Variants in HEATR4 observed in about 807,000 individuals in gnomAD.
HEATR4 encodes the protein HEAT repeat-containing protein 4.
HEATR4 carries 95 observed loss-of-function variants against 108.8 expected under a neutral mutation model. The ratio of observed to expected loss-of-function variants is 0.87; its 90% CI spans 0.74 to 1.04. HEATR4 has a LOEUF of 1.04. Ranked by LOEUF, HEATR4 falls within the 50% of genes least tolerant of loss-of-function variation. HEATR4 has a pLI of 0.00. For synonymous variants in HEATR4, 443 were observed against 459.4 expected (o/e 0.96, Z 0.46); for missense variants, 1,152 against 1,253.8 (o/e 0.92, Z 1.23).
intron 10 of HEATR4, among the ~76,000 whole-genome samples, chr14:73,503,953 G>T (rs1339647878): frequency 6.6e-6 from 1 of 152,146 alleles, no homozygotes; most frequent in African/African-American, 2.4e-5. Flanking sequence ...TTTACTTTCA[G>T]TTGTCAATTC....
the HEATR4 span, among the ~76,000 whole-genome samples, chr14:73,609,816 T>C: frequency 3.3e-5 from 5 of 151,886 alleles, no homozygotes; most frequent in East Asian, 9.7e-4. Context: ...AATTTTTGTA[T>C]TTTTAGTAGA....
intron 17 of HEATR4, 39 bp downstream of exon 17, chr14:73,493,027 C>T (rs371725887): frequency 3.2e-6 from 5 of 1,564,546 alleles, no homozygotes; most frequent in South Asian, 1.2e-5. Flanking sequence ...CTTAAACTCA[C>T]GTTCTTACCT....
intron 17 of HEATR4, among the ~76,000 whole-genome samples, chr14:73,486,862 C>T (rs184957215): frequency 6.6e-6 from 1 of 152,186 alleles, no homozygotes; most frequent in African/African-American, 2.4e-5. Flanking sequence ...GGGGTACTTT[C>T]CTGATAGGCT....
At chr14:73,621,486 C>T in the HEATR4 span, among the ~76,000 whole-genome samples, 1 of 152,182 alleles carries the variant, frequency 6.6e-6, no homozygotes, top group African/African-American at 2.4e-5. Context: ...TCTGCCTCAA[C>T]CTACTGCAGT....
chr14:73,553,450 C>G (rs1234044897), intron 1 of HEATR4, among the ~76,000 whole-genome samples: 3 of 111,950 alleles, frequency 2.7e-5, no homozygotes, highest in Non-Finnish European at 3.9e-5. Context: ...AGGTAGAGGT[C>G]CAGTGAGCCG....
the HEATR4 span, among the ~76,000 whole-genome samples, chr14:73,625,181 C>G: frequency 6.6e-6 from 1 of 151,874 alleles, no homozygotes; most frequent in Non-Finnish European, 1.5e-5. Flanking sequence ...GCCTCAGCCT[C>G]CTGAATGGCT....
At chr14:73,594,673 G>GTTAGTTAT in the HEATR4 span, among the ~76,000 whole-genome samples, 5 of 147,132 alleles carry the variant, frequency 3.4e-5, no homozygotes, top group African/African-American at 2.5e-5. Flanking sequence ...CATTGGATAA[G>GTTAGTTAT]TTATTTATTT....
chr14:73,513,024 T>C lies in HEATR4; in HGVS notation c.1415-875A>G, dbSNP rs568695000. 1.2e-4 allele frequency among the ~76,000 whole-genome samples: 19 copies of C among 152,294 alleles called. No homozygotes were observed. In the South Asian group the frequency reaches 3.3e-3, roughly 27 times the overall value. On this transcript the variant is annotated intron_variant, in intron 6 of 17. Coordinates refer to ENST00000553558, the MANE Select transcript of HEATR4 (RefSeq NM_001220484.1). ...CCTATCTTTGAAGGCAAAGTAGGTATAGGATAGCCCCAACTCTACGAATGA... is the reference window on the plus strand; with the variant it reads ...CCTATCTTTGAAGGCAAAGTAGGTACAGGATAGCCCCAACTCTACGAATGA...
At chr14:73,576,276 C>CCA in the HEATR4 span, among the ~76,000 whole-genome samples, 2 of 151,948 alleles carry the variant, frequency 1.3e-5, no homozygotes, top group African/African-American at 4.8e-5. Flanking sequence ...AAGTTAACAT[C>CCA]TTGCCTATAA....
At chr14:73,607,339 G>T in the HEATR4 span, among the ~76,000 whole-genome samples, 1 of 152,136 alleles carries the variant, frequency 6.6e-6, no homozygotes, top group East Asian at 1.9e-4. Flanking sequence ...GAAATGTCCT[G>T]AACTGTACCT....
At chr14:73,562,476 AT>A (rs1210447710), upstream of HEATR4, among the ~76,000 whole-genome samples, 1 of 152,004 alleles carries the variant, frequency 6.6e-6, no homozygotes, top group East Asian at 1.9e-4. Context: ...AATAACAGCG[AT>A]TTTTATGGAA....
chr14:73,616,242 A>G, the HEATR4 span, among the ~76,000 whole-genome samples: 11 of 152,086 alleles, frequency 7.2e-5, no homozygotes, highest in Non-Finnish European at 1.5e-4. Flanking sequence ...CACTGGGATT[A>G]TAGGCATGAA....
the HEATR4 span, among the ~76,000 whole-genome samples, chr14:73,576,932 CTT>C: frequency 2.6e-3 from 240 of 91,540 alleles, no homozygotes; most frequent in African/African-American, 7.5e-3. Flanking sequence ...CTTTTCTTTT[CTT>C]TTTTTTTTTT....
chr14:73,533,788 G>C (rs767404006), intron 1 of HEATR4, among the ~76,000 whole-genome samples: 1 of 108,826 alleles, frequency 9.2e-6, no homozygotes, highest in Non-Finnish European at 2.0e-5. Flanking sequence ...CAGCTCATGC[G>C]TGTAATTCTA....
chr14:73,592,555 A>T, the HEATR4 span: 1 of 1,098,868 alleles, frequency 9.1e-7, no homozygotes, highest in Non-Finnish European at 1.2e-6. Context: ...CCACTCTACC[A>T]AAATAGAGGG....
rs567368221 is a variant in HEATR4 at position 73,537,676 on chromosome 14, G to A, written c.-151-7432C>T. 229 of 1,245,486 alleles carry A rather than the reference G, an allele frequency of 1.8e-4. 51 individuals carry two copies. In the African/African-American group the frequency reaches 3.2e-3, roughly 17 times the overall value. The allele number at this position is 1,245,486 out of a possible 1,614,324, so 77.2% of individuals were successfully genotyped here. On this transcript the variant is annotated intron_variant, in intron 1 of 17. Transcript: ENST00000553558. ...CCATGGGGCTGCTCTGGGCCTTGGA[G>A]CCCGAGAAACCCTTGGTGCGGCTGG...
At chr14:73,580,707 T>G in the HEATR4 span, 1 of 152,092 alleles carries the variant, frequency 6.6e-6, no homozygotes, top group Admixed American at 6.6e-5. Flanking sequence ...ATCCAGTCCC[T>G]GAAGCTGAAG....
At chr14:73,520,810 A>G (rs916054692) in intron 4 of HEATR4, 42 bp downstream of exon 4, 2 of 1,559,258 alleles carry the variant, frequency 1.3e-6, no homozygotes, top group African/African-American at 1.4e-5. Flanking sequence ...TTCCTGGCCC[A>G]TGTCCCCGTG....
the HEATR4 span, among the ~76,000 whole-genome samples, chr14:73,592,637 G>C: frequency 6.6e-6 from 1 of 152,216 alleles, no homozygotes; most frequent in Non-Finnish European, 1.5e-5. Flanking sequence ...CGGATCACTT[G>C]AGATCAGGAG....
Sources: gnomAD v4.1 joint callset for allele counts (sites outside exome capture counted in the v4.1 genomes callset) on GRCh38, gnomAD v4.1.1 for gene constraint, MANE v1.5 for transcripts, NCBI Gene and HGNC (gene_info 2026-07-23, HGNC 2026-07-21) for gene names.